The following FAM120B variants were observed in gnomAD, a reference collection of about 807,000 sequenced individuals.
The protein encoded by FAM120B is family with sequence similarity 120 member B, also known as constitutive coactivator of peroxisome proliferator-activated receptor gamma.
A neutral mutation model predicts 96.3 loss-of-function variants in FAM120B; 83 were observed. The ratio of observed to expected loss-of-function variants is 0.86; its 90% CI spans 0.72 to 1.03. The LOEUF (loss-of-function observed/expected upper bound fraction) is 1.03. FAM120B is among the 50% of genes least tolerant of loss of function. The pLI is 0.00. For missense variants in FAM120B, 1,027 were observed against 1,121.2 expected (o/e 0.92, Z 1.20); for synonymous variants, 407 against 402.7 (o/e 1.01, Z -0.13).
chr6:170,361,227 T>TATACAC (rs1788409593), intron 6 of FAM120B, among the ~76,000 whole-genome samples: 1 of 122,660 alleles, frequency 8.2e-6, no homozygotes, highest in East Asian at 2.7e-4. Context: ...TATATATATA[T>TATACAC]ATATATATAC....
chr6:170,360,133 C>T (rs1452650957), intron 6 of FAM120B, among the ~76,000 whole-genome samples: 1 of 152,150 alleles, frequency 6.6e-6, no homozygotes, highest in East Asian at 1.9e-4. Flanking sequence ...GTTCTCTGGT[C>T]CTAGGCCATG....
rs867802554 is a variant in FAM120B, at chr6:170,317,769, G to A, written c.379G>A (p.Gly127Ser). 6 of 1,614,052 alleles carry A rather than the reference G, an allele frequency of 3.7e-6. No individual in the cohort carries two copies. The African/African-American group carries it at 6.7e-5, about 18-fold the overall frequency. Residue 127 changes from glycine to serine, a missense_variant, in exon 2 of 11, where the codon GGC becomes AGC. Transcript: ENST00000476287. ...HYIKSHKEQP[G>S]RNMFFIPSGL... ...CATCAAGTCACACAAGGAGCAGCCA[G>A]GCAGAAATATGTTCTTCATCCCCTC...
At position 170,406,528 on chromosome 6, in the gene FAM120B, T is replaced by C. The variant is rs376848456; in HGVS notation, c.*1777T>C. ...AGGGACATGGTCTCTAGGTATCTTA[T>C]TACATTTGTATTTCTTACATTTGAA... On this transcript the variant is annotated 3_prime_UTR_variant, in exon 11 of 11. Transcript: ENST00000476287. 3.3e-5 allele frequency: 5 copies of C among 152,352 alleles called. No individual in the cohort carries two copies. Among genetic ancestry groups the C allele is most frequent in the African/African-American group, 1.2e-4 (5 of 41,590 alleles). 9.4% of individuals were successfully genotyped at this position (152,352 alleles called of 1,614,324 possible). A position where few individuals can be genotyped will look rare whatever the true frequency, so the allele number is the denominator to read the frequency against.
chr6:170,345,545 A>C (rs980131625), intron 4 of FAM120B, among the ~76,000 whole-genome samples: 4 of 152,222 alleles, frequency 2.6e-5, no homozygotes, highest in African/African-American at 9.6e-5. Context: ...TTCATCTTTC[A>C]TGTGGGGCCA....
chr6:170,304,966 G>T (rs1035697000), upstream of FAM120B, among the ~76,000 whole-genome samples: 1 of 152,092 alleles, frequency 6.6e-6, no homozygotes, highest in Non-Finnish European at 1.5e-5. Context: ...AGCATGGTTA[G>T]GTTCTGGTGA....
intron 9 of FAM120B, among the ~76,000 whole-genome samples, chr6:170,396,416 T>C (rs1387657657): frequency 2.6e-5 from 4 of 152,246 alleles, no homozygotes; most frequent in Non-Finnish European, 4.4e-5. Flanking sequence ...GCGAGTCCAC[T>C]GTATTGCTGA....
In FAM120B at chr6:170,406,815, A is replaced by C. The variant is rs974964542; in HGVS notation, c.*2064A>C. On this transcript the variant is annotated 3_prime_UTR_variant, in exon 11 of 11. Transcript: ENST00000476287. ...AATTCCTCATCCCTTAGACTAAGAG[A>C]GTGGGTGTCTGTGAAAATTGTTTTC... 5.9e-5 allele frequency: 9 copies of C among 152,136 alleles called. No homozygotes were observed. Among genetic ancestry groups the C allele is most frequent in the Admixed American group, 5.9e-4 (9 of 15,274 alleles). The allele number at this position is 152,136 out of a possible 1,614,324, so 9.4% of individuals were successfully genotyped here. A position where few individuals can be genotyped will look rare whatever the true frequency, so the allele number is the denominator to read the frequency against.
At chr6:170,359,862 C>T (rs1242492149) in intron 6 of FAM120B, among the ~76,000 whole-genome samples, 1 of 152,068 alleles carries the variant, frequency 6.6e-6, no homozygotes, top group Non-Finnish European at 1.5e-5. Context: ...AAAAAGTGGC[C>T]TTTTTTTCCT....
intron 6 of FAM120B, among the ~76,000 whole-genome samples, chr6:170,376,596 A>G (rs1789533745): frequency 1.3e-5 from 2 of 152,168 alleles, no homozygotes; most frequent in Admixed American, 1.3e-4. Flanking sequence ...GTAAGTACCC[A>G]CTGGGCCTGA....
intron 6 of FAM120B, among the ~76,000 whole-genome samples, chr6:170,378,686 C>T (rs1233162742): frequency 2.6e-5 from 4 of 152,058 alleles, no homozygotes; most frequent in South Asian, 2.1e-4. Flanking sequence ...GAAGCGGTGG[C>T]GTAGACGGGC....
chr6:170,291,047 C>T (rs1429563478), upstream of FAM120B: 8 of 701,978 alleles, frequency 1.1e-5, no homozygotes, highest in East Asian at 1.9e-4. Flanking sequence ...CTTTTCCAAA[C>T]CCTCCTCTCA....
chr6:170,394,478 C>T (rs113311927), intron 8 of FAM120B, among the ~76,000 whole-genome samples: 509 of 148,134 alleles, frequency 3.4e-3, no homozygotes, highest in African/African-American at 0.011. Flanking sequence ...GCCACGCCTC[C>T]GTGGACACCG....
At chr6:170,354,626 T>C (rs2115169159) in intron 5 of FAM120B, among the ~76,000 whole-genome samples, 1 of 152,186 alleles carries the variant, frequency 6.6e-6, no homozygotes, top group Non-Finnish European at 1.5e-5. Context: ...CAGACACTTC[T>C]CAAAAGAGGA....
chr6:170,371,066 T>C (rs1458963592), intron 6 of FAM120B, among the ~76,000 whole-genome samples: 3 of 152,138 alleles, frequency 2.0e-5, no homozygotes, highest in Non-Finnish European at 4.4e-5. Flanking sequence ...AGAGTTGTTG[T>C]TCAGCCACAA....
rs766744846 is a variant in FAM120B at position 170,330,476 on chromosome 6, A to T, written c.1943A>T (p.Lys648Met). Residue 648 changes from lysine (K) to methionine (M), a missense_variant, in exon 4 of 11, where the codon AAG becomes ATG. Lys to Met is a moderately conservative substitution (Grantham distance 95). Around this residue, in one of 3 missense-constraint regions of FAM120B, gnomAD observed 880 missense variants for 980.9 expected, o/e 0.90. Transcript: ENST00000476287. The part of the protein sequence containing the change: ...QDVTSTCLAV[K>M]EWFVYPGNPL... ...GTCACCAGCACCTGCCTAGCTGTCAAGGAGTGGTTTGTGTATCCTGGGAAC... is the reference window on the plus strand; with the variant it reads ...GTCACCAGCACCTGCCTAGCTGTCATGGAGTGGTTTGTGTATCCTGGGAAC... 6.2e-7 allele frequency: 1 copy of T among 1,614,142 alleles called. No homozygotes were observed. The highest frequency in any genetic ancestry group is 8.5e-7 in the Non-Finnish European group (1 of 1,180,002).
chr6:170,296,083 G>A (rs1783995223), intron 1 of FAM120B, among the ~76,000 whole-genome samples: 1 of 152,162 alleles, frequency 6.6e-6, no homozygotes, highest in Non-Finnish European at 1.5e-5. Context: ...ACCTGCGGCC[G>A]GAGCACCGGC....
At chr6:170,317,279 G>A in intron 1 of FAM120B, 91 bp from the exon 2 acceptor site, 1 of 1,018,176 alleles carries the variant, frequency 9.8e-7, no homozygotes, top group Non-Finnish European at 1.5e-6. Context: ...TTTGGAAACA[G>A]TGTGAATATT....
At chr6:170,349,964 C>T (rs976544518) in intron 5 of FAM120B, among the ~76,000 whole-genome samples, 3 of 152,106 alleles carry the variant, frequency 2.0e-5, no homozygotes, top group African/African-American at 4.8e-5. Context: ...ATTGTGTGAC[C>T]CTGCCTGGGA....
chr6:170,294,892 A>G (rs1262926450), upstream of FAM120B, among the ~76,000 whole-genome samples: 2 of 152,222 alleles, frequency 1.3e-5, no homozygotes, highest in African/African-American at 4.8e-5. The surrounding 1 kb of genome is among the most constrained non-coding windows in gnomAD (Gnocchi z 7.9). Flanking sequence ...CGTAAGAAGA[A>G]TTAGGGTCCT....
Sources: allele counts gnomAD v4.1 joint callset (sites outside exome capture counted in the v4.1 genomes callset), GRCh38; gene constraint gnomAD v4.1.1; regional missense constraint gnomAD v4.1.1; non-coding constraint Gnocchi (gnomAD v3.1); transcripts MANE v1.5; gene names NCBI Gene and HGNC (gene_info 2026-07-23, HGNC 2026-07-21).